Variants in CBL observed in about 807,000 individuals in gnomAD.
The protein encoded by CBL is E3 ubiquitin-protein ligase CBL.
A neutral mutation model predicts 96.9 loss-of-function variants in CBL; 45 were observed. The observed-to-expected ratio is 0.46, with a 90% CI of 0.37 to 0.60. The LOEUF is 0.60. Ranked by LOEUF, CBL falls within the 20% of genes least tolerant of loss-of-function variation. CBL has a pLI of 0.00. For synonymous variants in CBL, 420 were observed against 426.8 expected, an observed-to-expected ratio of 0.98 and a Z score of 0.20; for missense variants, 1,024 against 1,143.5, an observed-to-expected ratio of 0.90 and a Z score of 1.51.
chr11:119,241,446 T>TTC (rs1328829798), intron 2 of CBL, among the ~76,000 whole-genome samples: 2 of 152,286 alleles, frequency 1.3e-5, no homozygotes, highest in African/African-American at 4.8e-5. Context: ...TAGTATTGAG[T>TTC]ATTTTGTCTA....
intron 9 of CBL, among the ~76,000 whole-genome samples, chr11:119,280,505 GT>G (rs1314147380): frequency 6.6e-6 from 1 of 151,990 alleles, no homozygotes; most frequent in African/African-American, 2.4e-5. Context: ...GAGAATGCCT[GT>G]TTCTTCACAT....
intron 6 of CBL, 36 bp downstream of exon 6, chr11:119,276,170 G>A: frequency 6.2e-7 from 1 of 1,609,674 alleles, no homozygotes; most frequent in Non-Finnish European, 8.5e-7. Flanking sequence ...TTAGAGTCTG[G>A]GAACTTAGGG....
At chr11:119,243,489 T>A (rs1949602644) in intron 2 of CBL, among the ~76,000 whole-genome samples, 1 of 149,076 alleles carries the variant, frequency 6.7e-6, no homozygotes, top group African/African-American at 2.5e-5. Context: ...TGATCAAGGA[T>A]ATGAGACCCC....
rs2135304634 is a variant in CBL at position 119,278,598 on chromosome 11, G to C, written c.1316G>C (p.Ser439Thr). The change falls in exon 9 of 16, where the codon AGT becomes ACT. Residue 439 changes from serine to threonine, a missense_variant. Physicochemically the swap from Ser to Thr is moderately conservative, Grantham distance 58. Transcript: ENST00000264033. The part of the protein sequence containing the change: ...IVVDPFDPRG[S>T]GSLLRQGAEG... Reference sequence around the variant, plus strand: ...GTAGATCCGTTTGATCCTAGAGGGAGTGGCAGCCTGTTGAGGCAAGGAGCA... The same window carrying C: ...GTAGATCCGTTTGATCCTAGAGGGACTGGCAGCCTGTTGAGGCAAGGAGCA... 1 of 1,614,128 alleles carries C rather than the reference G, an allele frequency of 6.2e-7. No homozygotes were observed. The highest frequency in any genetic ancestry group is 8.5e-7 in the Non-Finnish European group (1 of 1,180,004).
chr11:119,282,217 A>G (rs1949941196), intron 9 of CBL, among the ~76,000 whole-genome samples: 1 of 151,858 alleles, frequency 6.6e-6, no homozygotes, highest in Non-Finnish European at 1.5e-5. Flanking sequence ...GCATGCCTAT[A>G]ATCCCAGTTA....
rs1194062147 is a variant in CBL at position 119,285,362 on chromosome 11, C to T, written c.1737C>T (p.Pro579=). ...PGDCPSRDKL[P]PVPSSRLGDS... ...ACTGTCCCTCCAGAGACAAACTGCC[C>T]CCTGTCCCCTCTAGCCGCCTTGGAG... Residue 579 remains proline (P), a synonymous_variant, in exon 11 of 16, where the codon CCC becomes CCT. Transcript: ENST00000264033. 2.5e-6 allele frequency: 4 copies of T among 1,614,140 alleles called. No individual in the cohort carries two copies. In the African/African-American group the frequency reaches 5.3e-5, roughly 22 times the overall value.
intron 12 of CBL, among the ~76,000 whole-genome samples, chr11:119,293,594 A>G (rs1160668624): frequency 6.6e-6 from 1 of 151,970 alleles, no homozygotes; most frequent in Non-Finnish European, 1.5e-5. Flanking sequence ...TCTAGGGAAA[A>G]TTGCTGGCAT....
rs1186507278 is a variant in CBL at position 119,285,514 on chromosome 11, C to G, written c.1889C>G (p.Pro630Arg). The G allele has an allele frequency of 6.2e-7, 1 of 1,614,098 alleles. No homozygotes were observed. The highest frequency in any genetic ancestry group is 1.3e-5 in the African/African-American group (1 of 75,024). ...LPFSLPSQME[P>R]RPDVPRLGST... ...TTTTCATTGCCCTCACAAATGGAGC[C>G]CAGACCAGATGTGCCTAGGCTCGGA... The change falls in exon 11 of 16, where the codon CCC (proline) becomes CGC (arginine). Residue 630 changes from proline to arginine, a missense_variant. Transcript: ENST00000264033.
At chr11:119,295,283 G>T (rs1224985796) in intron 12 of CBL, among the ~76,000 whole-genome samples, 3 of 152,180 alleles carry the variant, frequency 2.0e-5, no homozygotes, top group Non-Finnish European at 4.4e-5. Context: ...GAATTTCTGA[G>T]ACCAAGAGTA....
chr11:119,232,220 G>A (rs1247830708), intron 1 of CBL, among the ~76,000 whole-genome samples: 2 of 152,270 alleles, frequency 1.3e-5, no homozygotes, highest in African/African-American at 4.8e-5. Flanking sequence ...TGTGTTATCT[G>A]TACCATTAGT....
intron 2 of CBL, among the ~76,000 whole-genome samples, chr11:119,235,432 A>T (rs1949537804): frequency 6.6e-6 from 1 of 152,236 alleles, no homozygotes; most frequent in African/African-American, 2.4e-5. Flanking sequence ...TACTAAAATC[A>T]TAAGGAAGAT....
intron 2 of CBL, among the ~76,000 whole-genome samples, chr11:119,256,208 T>TA (rs1179831137): frequency 6.6e-6 from 1 of 150,626 alleles, no homozygotes; most frequent in Non-Finnish European, 1.5e-5. Context: ...TTTTTTTTTT[T>TA]AAAGATGGAG....
At chr11:119,210,336 C>G (rs2135247381) in intron 1 of CBL, among the ~76,000 whole-genome samples, 1 of 152,032 alleles carries the variant, frequency 6.6e-6, no homozygotes, top group Middle Eastern at 3.4e-3. Context: ...TTGAGTCAGC[C>G]ACTGCACTCC....
chr11:119,293,945 G>A (rs182831574), intron 12 of CBL, among the ~76,000 whole-genome samples: 6 of 152,192 alleles, frequency 3.9e-5, no homozygotes, highest in East Asian at 3.9e-4. Flanking sequence ...TACTTTAAAC[G>A]CCTAGTTCAA....
At chr11:119,298,251 T>G in intron 14 of CBL, 107 bp from the exon 15 acceptor site, 1 of 956,564 alleles carries the variant, frequency 1.0e-6, no homozygotes, top group Non-Finnish European at 1.7e-6. Context: ...AACTGTTGAA[T>G]GAGATAAATG....
In CBL at chr11:119,300,050, C is replaced by T; in HGVS notation, c.*269C>T. 1 of 578,180 alleles carries T rather than the reference C, an allele frequency of 1.7e-6. No individual in the cohort carries two copies. Among genetic ancestry groups the T allele is most frequent in the Non-Finnish European group, 3.1e-6 (1 of 324,102 alleles). The allele number at this position is 578,180 out of a possible 1,614,324, so 35.8% of individuals were successfully genotyped here. On this transcript the variant is annotated 3_prime_UTR_variant, in exon 16 of 16. Transcript: ENST00000264033. Reference sequence around the variant, plus strand: ...GAGTGTGGATTATATTACATGATAACCTACCTGGGGAACAGTCCAGAAAGC... The same window carrying T: ...GAGTGTGGATTATATTACATGATAATCTACCTGGGGAACAGTCCAGAAAGC...
chr11:119,243,046 G>A (rs1949599458), intron 2 of CBL, among the ~76,000 whole-genome samples: 1 of 152,036 alleles, frequency 6.6e-6, no homozygotes, highest in South Asian at 2.1e-4. Flanking sequence ...GGGAGGCTGA[G>A]GCAGGCAGAT....
intron 6 of CBL, among the ~76,000 whole-genome samples, chr11:119,276,621 A>T (rs1004699476): frequency 6.6e-6 from 1 of 152,250 alleles, no homozygotes; most frequent in Non-Finnish European, 1.5e-5. Flanking sequence ...TTATTCCAGA[A>T]TTGCTATTCC....
At chr11:119,218,063 CCT>C (rs1240386509) in intron 1 of CBL, among the ~76,000 whole-genome samples, 1 of 151,964 alleles carries the variant, frequency 6.6e-6, no homozygotes. Context: ...AGAGTGAGAC[CCT>C]GTCTCTAAAT....
Sources: gnomAD v4.1 joint callset for allele counts (sites outside exome capture counted in the v4.1 genomes callset) on GRCh38, gnomAD v4.1.1 for gene constraint, MANE v1.5 for transcripts, NCBI Gene and HGNC (gene_info 2026-07-23, HGNC 2026-07-21) for gene names.